The following CACNB4 variants were observed in gnomAD, a reference collection of about 807,000 sequenced individuals.
CACNB4 encodes calcium voltage-gated channel auxiliary subunit beta 4.
A neutral mutation model predicts 71.2 loss-of-function variants in CACNB4; 32 were observed. The observed-to-expected ratio is 0.45, with a 90% confidence interval of 0.34 to 0.60. CACNB4 has a LOEUF of 0.60. Ranked by LOEUF, CACNB4 falls within the 20% of genes least tolerant of loss-of-function variation. CACNB4 has a pLI of 0.01. For missense variants in CACNB4, 464 were observed against 647.9 expected (o/e 0.72, Z 3.08); for synonymous variants, 231 against 236.9 (o/e 0.97, Z 0.23).
chr2:152,041,846 G>A (rs1288268507), intron 2 of CACNB4, among the ~76,000 whole-genome samples: 2 of 152,186 alleles, frequency 1.3e-5, no homozygotes, highest in African/African-American at 4.8e-5. Flanking sequence ...ATAGAAGTCA[G>A]AAGACCCTGC....
intron 3 of CACNB4, chr2:151,882,866 G>C (rs148112605): frequency 3.6e-6 from 1 of 277,846 alleles, no homozygotes; most frequent in African/African-American, 2.2e-5. Flanking sequence ...CAAACAGGGC[G>C]ATCCACAGAA....
rs186343717 is a variant in CACNB4 at position 151,847,980 on chromosome 2, A to C, written c.1116+5468T>G. Among the ~76,000 whole-genome samples, 7 of 152,310 alleles carry C rather than the reference A, an allele frequency of 4.6e-5. No homozygotes were observed. In the East Asian group the frequency reaches 1.3e-3, roughly 29 times the overall value. On this transcript the variant is annotated intron_variant, in intron 12 of 13. Coordinates refer to ENST00000539935, the MANE Select transcript of CACNB4 (RefSeq NM_000726.5). ...TTGGTGAGGTTAAAATGAGGGCAAAAAATATATAACTTTGATTCTTTTGAC... is the reference window on the plus strand; with the variant it reads ...TTGGTGAGGTTAAAATGAGGGCAAACAATATATAACTTTGATTCTTTTGAC...
rs563023146 is a variant in CACNB4, at chr2:151,880,877, C to T, written c.313G>A (p.Gly105Ser). The T allele has an allele frequency of 2.2e-5, 36 of 1,613,366 alleles. No individual in the cohort carries two copies. The highest frequency in any genetic ancestry group is 5.5e-5 in the South Asian group (5 of 90,988). Residue 105 changes from glycine to serine, a missense_variant, in exon 4 of 14, where the codon GGC becomes AGC. Physicochemically the swap from Gly to Ser is moderately conservative, Grantham distance 56. Coordinates refer to ENST00000539935, the MANE Select transcript of CACNB4 (RefSeq NM_000726.5). ...ACAGGCACATCCTCGTCCAGGGCGC[C>T]GCAGTAGCTCACATTTGTCTTCACG... is the stretch of plus-strand genomic sequence containing the variant. The part of the protein sequence containing the change: ...FAVKTNVSYC[G>S]ALDEDVPVPS...
chr2:152,026,849 C>G (rs1684006059), intron 2 of CACNB4, among the ~76,000 whole-genome samples: 1 of 152,162 alleles, frequency 6.6e-6, no homozygotes, highest in Non-Finnish European at 1.5e-5. Context: ...ATTGTTAAGT[C>G]CATTGGGGAA....
chr2:152,024,580 A>G (rs1683860621), intron 2 of CACNB4, among the ~76,000 whole-genome samples: 1 of 152,170 alleles, frequency 6.6e-6, no homozygotes, highest in African/African-American at 2.4e-5. Context: ...ATTGTGAAAC[A>G]AAGCAGTAAG....
At chr2:151,988,444 T>C (rs1681497363) in intron 2 of CACNB4, among the ~76,000 whole-genome samples, 2 of 152,096 alleles carry the variant, frequency 1.3e-5, no homozygotes, top group Non-Finnish European at 2.9e-5. Flanking sequence ...AATCAAATAA[T>C]AAATATATAT....
At chr2:151,945,368 CATCTTAACAATGGGG>C (rs2099865291) in intron 2 of CACNB4, among the ~76,000 whole-genome samples, 2 of 152,188 alleles carry the variant, frequency 1.3e-5, no homozygotes, top group Non-Finnish European at 2.9e-5. Flanking sequence ...TCTGTTTCCT[CATCTTAACAATGGGG>C]ATAGGCCGGG....
At chr2:152,086,206 T>C (rs1687652390) in intron 2 of CACNB4, among the ~76,000 whole-genome samples, 1 of 152,228 alleles carries the variant, frequency 6.6e-6, no homozygotes, top group Non-Finnish European at 1.5e-5. Context: ...TTAATTTTCA[T>C]TTTGCATGAG....
chr2:152,054,183 C>T (rs544219539), intron 2 of CACNB4, among the ~76,000 whole-genome samples: 6 of 151,244 alleles, frequency 4.0e-5, no homozygotes, highest in East Asian at 3.9e-4. Flanking sequence ...CTGGCTAACG[C>T]GGTGAAACCC....
At chr2:152,007,622 G>A (rs1213430168) in intron 2 of CACNB4, among the ~76,000 whole-genome samples, 1 of 152,198 alleles carries the variant, frequency 6.6e-6, no homozygotes, top group African/African-American at 2.4e-5. Flanking sequence ...TCCGTCTGTG[G>A]ATGGACACTT....
intron 2 of CACNB4, chr2:151,971,360 A>C (rs947585074): frequency 4.9e-6 from 3 of 609,372 alleles, no homozygotes; most frequent in Non-Finnish European, 8.8e-6. Context: ...TTTCAACAGC[A>C]CAGAACGGTA....
chr2:152,025,853 T>G (rs950323322), intron 2 of CACNB4, among the ~76,000 whole-genome samples: 1 of 152,262 alleles, frequency 6.6e-6, no homozygotes, highest in African/African-American at 2.4e-5. Flanking sequence ...GAATTTTTCT[T>G]GTGTGGATTT....
chr2:151,869,798 C>T (rs532709466), intron 8 of CACNB4: 19 of 181,466 alleles, frequency 1.0e-4, no homozygotes, highest in Non-Finnish European at 1.7e-4. Context: ...TGCCTGAAAG[C>T]GATTCATTAA....
intron 2 of CACNB4, among the ~76,000 whole-genome samples, chr2:152,000,688 C>G (rs1357926404): frequency 6.6e-6 from 1 of 152,126 alleles, no homozygotes. Flanking sequence ...GAAAGGAATC[C>G]TTAACTCCCC....
In CACNB4 at chr2:151,834,970, T is replaced by C. The variant is rs2099834591; in HGVS notation, c.*4149A>G. 1 of 151,958 alleles carries C rather than the reference T, an allele frequency of 6.6e-6. No homozygotes were observed. The highest frequency in any genetic ancestry group is 2.1e-4 in the South Asian group (1 of 4,832). The allele number at this position is 151,958 out of a possible 1,614,324, so 9.4% of individuals were successfully genotyped here. On this transcript the variant is annotated 3_prime_UTR_variant, in exon 14 of 14. Transcript: ENST00000539935. ...AAATGTAAAAGGAATAAGGGGTACA[T>C]AGCATTTATTTGAAACATTGATATG... is the stretch of plus-strand genomic sequence containing the variant.
rs575057476 is a variant in CACNB4 at position 152,001,767 on chromosome 2, G to A, written c.147+96563C>T. On this transcript the variant is annotated intron_variant, in intron 2 of 13. Coordinates refer to ENST00000539935, the MANE Select transcript of CACNB4 (RefSeq NM_000726.5). ...GTTTTACGGGTAACAAGTGCTTCCG[G>A]AGGATGATGTTTACATGAGTCTGGG... Among the ~76,000 whole-genome samples the A allele has an allele frequency of 2.6e-5, 4 of 151,862 alleles. No homozygotes were observed. In the East Asian group the frequency reaches 7.7e-4, roughly 29 times the overall value.
chr2:152,050,185 G>A lies in CACNB4; in HGVS notation c.147+48145C>T, dbSNP rs145804440. Among the ~76,000 whole-genome samples, 220 of 152,318 alleles carry A rather than the reference G, an allele frequency of 1.4e-3. 2 individuals are homozygous for A. Among genetic ancestry groups the A allele is most frequent in the African/African-American group, 4.9e-3 (204 of 41,568 alleles). ...GTGTGCTGGGCCCGCTGCCTGTCAC[G>A]TAAAGACGAGGAAAGAAAGTTTCCG... On this transcript the variant is annotated intron_variant, in intron 2 of 13. Transcript: ENST00000539935.
At chr2:151,889,485 A>AT (rs1455853743) in intron 2 of CACNB4, among the ~76,000 whole-genome samples, 9 of 151,498 alleles carry the variant, frequency 5.9e-5, no homozygotes, top group Non-Finnish European at 1.2e-4. Flanking sequence ...AAAAAAAAAA[A>AT]AGTTGCATTA....
rs2105058241 is a variant in CACNB4, at chr2:152,010,013, A to G, written c.147+88317T>C. Among the ~76,000 whole-genome samples, 2 of 152,354 alleles carry G rather than the reference A, an allele frequency of 1.3e-5. 1 individual carries two copies. The highest frequency in any genetic ancestry group is 4.1e-4 in the South Asian group (2 of 4,832). Reference sequence around the variant, plus strand: ...GTTATATCTGTTCTTAAAAGAAAACATTAATACTGAGTCACAACCAAAGTC... The same window carrying G: ...GTTATATCTGTTCTTAAAAGAAAACGTTAATACTGAGTCACAACCAAAGTC... On this transcript the variant is annotated intron_variant, in intron 2 of 13. Transcript: ENST00000539935.
Sources: allele counts gnomAD v4.1 joint callset (sites outside exome capture counted in the v4.1 genomes callset), GRCh38; gene constraint gnomAD v4.1.1; transcripts MANE v1.5; gene names NCBI Gene and HGNC (gene_info 2026-07-23, HGNC 2026-07-21).